SPATA22: variants seen among roughly 807,000 people sequenced by gnomAD.
SPATA22 encodes the protein spermatogenesis-associated protein 22.
In SPATA22, 29 loss-of-function variants were observed where a neutral mutation model predicts 47.8. The observed-to-expected ratio is 0.61, with a 90% CI of 0.45 to 0.83. The LOEUF is 0.83. Ranked by LOEUF, SPATA22 falls within the 40% of genes least tolerant of loss-of-function variation. SPATA22 has a pLI of 0.00. For synonymous variants in SPATA22, 133 were observed against 140.9 expected, an observed-to-expected ratio of 0.94 and a Z score of 0.40; for missense variants, 410 against 421.7, an observed-to-expected ratio of 0.97 and a Z score of 0.24.
At chr17:3,498,559 C>A (rs910715151) in intron 1 of SPATA22, among the ~76,000 whole-genome samples, 1 of 152,094 alleles carries the variant, frequency 6.6e-6, no homozygotes, top group Non-Finnish European at 1.5e-5. Flanking sequence ...GTTGCCCAGG[C>A]TGGTTTTGAA....
chr17:3,458,773 G>A (rs1222034661), intron 5 of SPATA22, among the ~76,000 whole-genome samples: 1 of 148,084 alleles, frequency 6.8e-6, no homozygotes, highest in Admixed American at 6.9e-5. Context: ...CCCAGGAGGT[G>A]GAGGTTGCAG....
At position 3,449,113 on chromosome 17, in the gene SPATA22, A is replaced by C; in HGVS notation, c.366T>G (p.Thr122=). The C allele has an allele frequency of 6.2e-7, 1 of 1,609,354 alleles. No individual in the cohort carries two copies. Among genetic ancestry groups the C allele is most frequent in the Non-Finnish European group, 8.5e-7 (1 of 1,178,606 alleles). ...GAGGCTTAAAATCATTTTTATTCCAAGTTTTCAAGCTGGTATTTTTGTTAC... is the reference window on the plus strand; with the variant it reads ...GAGGCTTAAAATCATTTTTATTCCACGTTTTCAAGCTGGTATTTTTGTTAC... ...RDGNKNTSLK[T]WNKNDFKPQC... Residue 122 remains threonine (T), a synonymous_variant, in exon 6 of 9, where the codon ACT becomes ACG. Coordinates refer to ENST00000572969, the MANE Select transcript of SPATA22 (RefSeq NM_001170698.2).
At chr17:3,476,718 C>T (rs1230542001), upstream of SPATA22, among the ~76,000 whole-genome samples, 3 of 152,130 alleles carry the variant, frequency 2.0e-5, no homozygotes, top group Non-Finnish European at 4.4e-5. Flanking sequence ...TTTAATACTC[C>T]TTTGCATTGA....
rs1247086820 is a variant in SPATA22, at chr17:3,455,771, C to T, written c.330-6622G>A. Among the ~76,000 whole-genome samples the T allele has an allele frequency of 1.3e-4, 19 of 148,078 alleles. No homozygotes were observed. The Middle Eastern group carries it at 0.01, about 82-fold the overall frequency. On this transcript the variant is annotated intron_variant, in intron 5 of 8. Transcript: ENST00000572969. ...TTCTTTTGGCTTAGGATTGACTTGG[C>T]GATGCGGGCTCTTTTTTGGTTCCAT...
At chr17:3,487,688 T>C (rs2073750257) in intron 1 of SPATA22, among the ~76,000 whole-genome samples, 1 of 152,192 alleles carries the variant, frequency 6.6e-6, no homozygotes. Context: ...TAAAGATTCC[T>C]TCATTCTTAA....
At chr17:3,461,159 A>C (rs528280205) in intron 5 of SPATA22, among the ~76,000 whole-genome samples, 112 of 152,324 alleles carry the variant, frequency 7.4e-4, no homozygotes, top group African/African-American at 2.5e-3. Context: ...TGGTATAAGT[A>C]TGTCCCAAAT....
rs1278404446 is a variant in SPATA22, at chr17:3,481,738, C to T, written c.-73-12340G>A. The stretch of plus-strand genomic sequence containing the variant: ...ACAACACCACCTCTAACATGGGGTG[C>T]ACTCTTATTCTTGAGGATTCCAGGA... On this transcript the variant is annotated intron_variant, in intron 1 of 8. Transcript: ENST00000541913. 11 of 1,613,424 alleles carry T rather than the reference C, an allele frequency of 6.8e-6. No homozygotes were observed. The highest frequency in any genetic ancestry group is 1.7e-5 in the Admixed American group (1 of 59,970).
intron 1 of SPATA22, among the ~76,000 whole-genome samples, chr17:3,483,056 AT>A (rs1371934094): frequency 1.3e-5 from 2 of 151,058 alleles, no homozygotes; most frequent in African/African-American, 4.9e-5. Context: ...CCTGTCTTCA[AT>A]TTTCATGCAG....
At chr17:3,493,314 G>A (rs549211973) in intron 1 of SPATA22, among the ~76,000 whole-genome samples, 5 of 152,248 alleles carry the variant, frequency 3.3e-5, no homozygotes, top group South Asian at 4.1e-4. Flanking sequence ...TGTAATCCCA[G>A]CACTTGGGGA....
At chr17:3,477,166 T>A (rs6502726) in intron 1 of SPATA22, among the ~76,000 whole-genome samples, 1,845 of 151,422 alleles carry the variant, frequency 0.012, 35 homozygotes, top group African/African-American at 0.042. Flanking sequence ...AAAAAATAAA[T>A]AAATAAATAA....
rs2073797615 is a variant in SPATA22 at position 3,490,036 on chromosome 17, C to T, written c.-73-20638G>A. On this transcript the variant is annotated intron_variant, in intron 1 of 8. Coordinates refer to the SPATA22 transcript ENST00000541913. This position sits in a 1 kb window ranked among gnomAD's most constrained non-coding sequence, Gnocchi z 4.6. ...TAATTAGCAGAAAGCAAGTTGCAGA[C>T]CAAGACATTCAGTACACCAATTGGC... 1.3e-5 allele frequency among the ~76,000 whole-genome samples: 2 copies of T among 152,128 alleles called. No individual in the cohort carries two copies. Among genetic ancestry groups the T allele is most frequent in the Admixed American group, 6.6e-5 (1 of 15,264 alleles).
chr17:3,510,352 G>A (rs1420792565), intron 1 of SPATA22: 1 of 152,158 alleles, frequency 6.6e-6, no homozygotes, highest in Non-Finnish European at 1.5e-5. Context: ...ATGCCTTATG[G>A]CTTGCTGGCT....
chr17:3,449,379 AG>A (rs1307379153), intron 5 of SPATA22, among the ~76,000 whole-genome samples: 2 of 152,206 alleles, frequency 1.3e-5, no homozygotes, highest in Non-Finnish European at 2.9e-5. Context: ...AAAGTCATAC[AG>A]GAAATTACTC....
chr17:3,443,227 T>C lies in SPATA22; in HGVS notation c.847A>G (p.Thr283Ala). 2 of 1,610,798 alleles carry C rather than the reference T, an allele frequency of 1.2e-6. No homozygotes were observed. Residue 283 changes from threonine to alanine, a missense_variant, in exon 8 of 9, where the codon ACT becomes GCT. By Grantham distance (58) the Thr-to-Ala change is moderately conservative (BLOSUM62 0). Coordinates refer to ENST00000572969, the MANE Select transcript of SPATA22 (RefSeq NM_001170698.2). ...TTTTTCCCATCCCTCATAAGAAAAG[T>C]CTTCGAATAATATGGGCCAGGTGTA... ...AVTPGPYYSK[T>A]FLMRDGKNTL...
At position 3,462,757 on chromosome 17, in the gene SPATA22, C is replaced by T. The variant is rs1053998520; in HGVS notation, c.183G>A (p.Trp61Ter). 3.1e-6 allele frequency: 5 copies of T among 1,611,882 alleles called. No individual in the cohort carries two copies. The Middle Eastern group carries it at 5.0e-4, about 160-fold the overall frequency. Residue 61 changes from tryptophan (W) to a stop codon, truncating the protein, a stop_gained, in exon 4 of 9, where the codon TGG (tryptophan) becomes TGA (stop). Transcript: ENST00000572969. LOFTEE classifies it high-confidence loss of function. ...DFPPLPTDWAWEAVNPELAPV... is the reference protein window; with the variant it reads ...DFPPLPTDWA ...GAGCCAACTCTGGATTCACAGCTTC[C>T]CAGGCCCAATCTCAAAAGATATAAG...
At chr17:3,497,241 G>T (rs1193784491) in intron 1 of SPATA22, among the ~76,000 whole-genome samples, 1 of 152,154 alleles carries the variant, frequency 6.6e-6, no homozygotes, top group Admixed American at 6.5e-5. Flanking sequence ...GACGTGTGTT[G>T]AAGAGGTTCC....
chr17:3,454,253 T>G (rs35233893), intron 5 of SPATA22, among the ~76,000 whole-genome samples: 2 of 150,050 alleles, frequency 1.3e-5, no homozygotes, highest in African/African-American at 4.9e-5. Flanking sequence ...TCCTGTGTCA[T>G]GGATTTGAAG....
At chr17:3,476,509 T>G, upstream of SPATA22, 4 of 977,762 alleles carry the variant, frequency 4.1e-6, no homozygotes, top group Non-Finnish European at 6.4e-6. Flanking sequence ...GTACATGCAG[T>G]CGTATGTTGA....
intron 5 of SPATA22, among the ~76,000 whole-genome samples, chr17:3,452,840 G>C (rs1211796686): frequency 6.6e-6 from 1 of 152,028 alleles, no homozygotes; most frequent in Admixed American, 6.6e-5. Flanking sequence ...ATCAAGAAGA[G>C]GCAGAAAGCC....
Sources: allele counts gnomAD v4.1 joint callset (sites outside exome capture counted in the v4.1 genomes callset), GRCh38; gene constraint gnomAD v4.1.1; non-coding constraint Gnocchi (gnomAD v3.1); transcripts MANE v1.5; gene names NCBI Gene and HGNC (gene_info 2026-07-23, HGNC 2026-07-21).